Variants in PREX2 observed in about 807,000 individuals in gnomAD.
PREX2 encodes the protein phosphatidylinositol 3,4,5-trisphosphate-dependent Rac exchanger 2 protein.
Under a neutral mutation model 203.2 loss-of-function variants are expected in PREX2, and 107 were observed. That is an observed-to-expected ratio of 0.53 (90% CI 0.45 to 0.62). PREX2 has a LOEUF of 0.62. Ranked by LOEUF, PREX2 falls within the 20% of genes least tolerant of loss-of-function variation. PREX2 has a pLI of 0.00. For missense variants in PREX2, 1,777 were observed against 1,955.9 expected (o/e 0.91, Z 1.72); for synonymous variants, 672 against 663.6 (o/e 1.01, Z -0.19).
At chr8:67,998,380 C>T (rs1036220769) in intron 1 of PREX2, among the ~76,000 whole-genome samples, 3 of 152,214 alleles carry the variant, frequency 2.0e-5, no homozygotes, top group Non-Finnish European at 4.4e-5. Context: ...CAACCTTCAG[C>T]GTGCTTTAGC....
intron 7 of PREX2, among the ~76,000 whole-genome samples, chr8:68,040,324 C>T (rs1808160584): frequency 6.6e-6 from 1 of 152,110 alleles, no homozygotes; most frequent in South Asian, 2.1e-4. Context: ...CCGTGCTTGG[C>T]CCCACCTAGA....
chr8:68,109,061 T>G, intron 24 of PREX2: 2 of 443,746 alleles, frequency 4.5e-6, no homozygotes, highest in Non-Finnish European at 8.9e-6. Flanking sequence ...GGGTGGGGGA[T>G]TGAGAAGATG....
intron 1 of PREX2, among the ~76,000 whole-genome samples, chr8:67,968,755 T>A (rs1438894618): frequency 6.6e-6 from 1 of 152,136 alleles, no homozygotes; most frequent in Non-Finnish European, 1.5e-5. Context: ...AAATCCTGGG[T>A]TTCTTATCTA....
chr8:68,108,411 A>T (rs1332947708), intron 24 of PREX2, 80 bp downstream of exon 24: 8 of 907,188 alleles, frequency 8.8e-6, no homozygotes, highest in Admixed American at 2.1e-5. Context: ...CCTGAAATTC[A>T]ATAGATACCT....
chr8:68,119,545 C>T lies in PREX2; in HGVS notation c.3504+31C>T, dbSNP rs753000683. On this transcript the variant is annotated intron_variant, in intron 28 of 39. Coordinates refer to ENST00000288368, the MANE Select transcript of PREX2 (RefSeq NM_024870.4). ...ATCGGGCATTTGTGGGGCTTTTGTTCCACAACTAAACTGTGAGGAGTCCCT... is the reference window on the plus strand; with the variant it reads ...ATCGGGCATTTGTGGGGCTTTTGTTTCACAACTAAACTGTGAGGAGTCCCT... 7 of 1,516,452 alleles carry T rather than the reference C, an allele frequency of 4.6e-6. No individual in the cohort carries two copies. In the South Asian group the frequency reaches 5.6e-5, roughly 12 times the overall value. 93.9% of individuals were successfully genotyped at this position (1,516,452 alleles called of 1,614,324 possible).
chr8:67,989,705 A>T (rs28558476), intron 1 of PREX2, among the ~76,000 whole-genome samples: 7,528 of 152,244 alleles, frequency 0.049, 412 homozygotes, highest in African/African-American at 0.14. Flanking sequence ...TTAATTATTC[A>T]ATGTGTTATT....
intron 32 of PREX2, among the ~76,000 whole-genome samples, chr8:68,134,942 C>T (rs1326082450): frequency 6.6e-6 from 1 of 152,104 alleles, no homozygotes; most frequent in Non-Finnish European, 1.5e-5. Flanking sequence ...GGATAGTTAT[C>T]ATCATGTTTA....
At chr8:67,999,632 C>T (rs78297248) in intron 1 of PREX2, among the ~76,000 whole-genome samples, 16,959 of 152,052 alleles carry the variant, frequency 0.11, 951 homozygotes, top group South Asian at 0.16. Context: ...CCAGCATCAT[C>T]CTAACAAAAC....
intron 1 of PREX2, among the ~76,000 whole-genome samples, chr8:68,012,912 T>C (rs1265583887): frequency 6.6e-6 from 1 of 152,216 alleles, no homozygotes; most frequent in African/African-American, 2.4e-5. Flanking sequence ...ATGTCAAGAC[T>C]GATAAACCAT....
At chr8:68,166,006 A>T (rs770995319) in intron 35 of PREX2, among the ~76,000 whole-genome samples, 2 of 152,208 alleles carry the variant, frequency 1.3e-5, no homozygotes, top group Admixed American at 6.5e-5. Flanking sequence ...CCTAACTGGC[A>T]ATCCTTACCC....
intron 25 of PREX2, among the ~76,000 whole-genome samples, chr8:68,113,665 T>C (rs1467895039): frequency 6.6e-6 from 1 of 152,204 alleles, no homozygotes; most frequent in Non-Finnish European, 1.5e-5. Context: ...AAATCTCACC[T>C]CGCTGTGAGA....
Position 67,952,081 on chromosome 8 carries a change from G to T in PREX2, c.-314G>T. On this transcript the variant is annotated 5_prime_UTR_variant, in exon 1 of 40. Transcript: ENST00000288368. ...TAATGTCCAAGTCACTGCTGTGGCTGCCGAAGCCGCTTCCCCTCCAGCCCC... is the reference window on the plus strand; with the variant it reads ...TAATGTCCAAGTCACTGCTGTGGCTTCCGAAGCCGCTTCCCCTCCAGCCCC... The T allele has an allele frequency of 3.6e-6, 1 of 275,492 alleles. No individual in the cohort carries two copies. Among genetic ancestry groups the T allele is most frequent in the Non-Finnish European group, 6.7e-6 (1 of 150,010 alleles). 17.1% of individuals were successfully genotyped at this position (275,492 alleles called of 1,614,324 possible). A position where few individuals can be genotyped will look rare whatever the true frequency, so the allele number is the denominator to read the frequency against.
Position 67,952,347 on chromosome 8 carries a change from C to T in PREX2, c.-48C>T, listed in dbSNP as rs1485722489. The T allele has an allele frequency of 7.0e-7, 1 of 1,423,056 alleles. No homozygotes were observed. Among genetic ancestry groups the T allele is most frequent in the East Asian group, 3.1e-5 (1 of 32,682 alleles). The allele number at this position is 1,423,056 out of a possible 1,614,324, so 88.2% of individuals were successfully genotyped here. ...GCCGGGCAGCAGCGGGCGCGCGGGT[C>T]AGCGCTCAGCACGGCGGGCAGCGCC... On this transcript the variant is annotated 5_prime_UTR_variant, in exon 1 of 40. Transcript: ENST00000288368.
Position 68,053,094 on chromosome 8 carries a change from C to T in PREX2, c.944-3C>T, listed in dbSNP as rs760055813. The T allele has an allele frequency of 2.5e-6, 4 of 1,609,908 alleles. No homozygotes were observed. Among genetic ancestry groups the T allele is most frequent in the Non-Finnish European group, 3.4e-6 (4 of 1,177,570 alleles). The stretch of plus-strand genomic sequence containing the variant: ...TCATTTGCCTTTACCCATTAATTTA[C>T]AGCTGATTTCCATAGCAGTGGACAC... On this transcript the variant is annotated splice_region_variant and splice_polypyrimidine_tract_variant and intron_variant, in intron 8 of 39. Coordinates refer to ENST00000288368, the MANE Select transcript of PREX2 (RefSeq NM_024870.4).
At chr8:68,080,888 T>G (rs759146558) in intron 17 of PREX2, 50 bp downstream of exon 17, 1 of 1,042,648 alleles carries the variant, frequency 9.6e-7, no homozygotes, top group Non-Finnish European at 1.5e-6. Flanking sequence ...GACATAAAAA[T>G]AGAGAAATTC....
rs536238434 is a variant in PREX2 at position 68,217,366 on chromosome 8, G to T, written c.4605-250G>T. Among the ~76,000 whole-genome samples, 46 of 152,270 alleles carry T rather than the reference G, an allele frequency of 3.0e-4. No homozygotes were observed. In the South Asian group the frequency reaches 7.5e-3, roughly 25 times the overall value. ...TCTAATTCTGGTTATTTAATTTTCT[G>T]TAGATAAGTGCTCTTATAAACAGTT... On this transcript the variant is annotated intron_variant, in intron 37 of 39. Coordinates refer to ENST00000288368, the MANE Select transcript of PREX2 (RefSeq NM_024870.4).
intron 28 of PREX2, 125 bp from the exon 29 acceptor site, chr8:68,120,071 C>T (rs1810738247): frequency 3.5e-6 from 2 of 569,900 alleles, no homozygotes; most frequent in Non-Finnish European, 6.2e-6. Context: ...ATCGATTTCA[C>T]AAGCATCATG....
chr8:68,129,932 G>C (rs1810969465), intron 31 of PREX2, among the ~76,000 whole-genome samples: 1 of 150,550 alleles, frequency 6.6e-6, no homozygotes, highest in Non-Finnish European at 1.5e-5. Context: ...TCTTTTGCTA[G>C]TAGCTGAAAG....
intron 15 of PREX2, among the ~76,000 whole-genome samples, chr8:68,080,004 A>G (rs1350529815): frequency 6.6e-6 from 1 of 151,674 alleles, no homozygotes; most frequent in Non-Finnish European, 1.5e-5. Flanking sequence ...GCAACACTTA[A>G]CCCATTTGAA....
Sources: gnomAD v4.1 joint callset for allele counts (sites outside exome capture counted in the v4.1 genomes callset) on GRCh38, gnomAD v4.1.1 for gene constraint, MANE v1.5 for transcripts, NCBI Gene and HGNC (gene_info 2026-07-23, HGNC 2026-07-21) for gene names.